Variants in NAV2 observed in about 807,000 individuals in gnomAD.
NAV2 encodes neuron navigator 2.
A neutral mutation model predicts 223.2 loss-of-function variants in NAV2; 54 were observed. The ratio of observed to expected loss-of-function variants is 0.24; its 90% CI spans 0.19 to 0.30. NAV2 has a LOEUF of 0.30. NAV2 is among the 10% of genes least tolerant of loss of function. NAV2 has a pLI of 1.00. For synonymous variants in NAV2, 1,279 were observed against 1,239.3 expected (o/e 1.03, Z -0.67); for missense variants, 2,806 against 3,147.5 (o/e 0.89, Z 2.60).
intron 3 of NAV2, among the ~76,000 whole-genome samples, chr11:19,868,007 A>G (rs1353156191): frequency 6.6e-6 from 1 of 152,168 alleles, no homozygotes; most frequent in African/African-American, 2.4e-5. Flanking sequence ...GCAATCATTT[A>G]TTAGTTCAAA....
intron 3 of NAV2, among the ~76,000 whole-genome samples, chr11:19,863,747 A>T (rs116965879): frequency 1.3e-5 from 2 of 152,126 alleles, no homozygotes; most frequent in East Asian, 3.9e-4. Flanking sequence ...TTGTCATCAT[A>T]TACTTATTTG....
chr11:19,492,122 C>T (rs187513641), intron 1 of NAV2, among the ~76,000 whole-genome samples: 1 of 152,258 alleles, frequency 6.6e-6, no homozygotes, highest in African/African-American at 2.4e-5. Flanking sequence ...GATCACTGAT[C>T]ATTGGTCACC....
chr11:19,998,629 A>C lies in NAV2; in HGVS notation c.2768+14382A>C, dbSNP rs2052196957. Among the ~76,000 whole-genome samples, 1 of 151,732 alleles carries C rather than the reference A, an allele frequency of 6.6e-6. No homozygotes were observed. Among genetic ancestry groups the C allele is most frequent in the South Asian group, 2.1e-4 (1 of 4,804 alleles). On this transcript the variant is annotated intron_variant, in intron 11 of 37. Transcript: ENST00000349880. The surrounding 1 kb of genome is among the most constrained non-coding windows in gnomAD (Gnocchi z 5.0). ...ACCTCCCTGACTCCTGCCTTCATCC[A>C]TTCCCCTGGACGTGCCGGATCTTCT...
At chr11:19,801,268 G>C (rs2058237441) in intron 1 of NAV2, among the ~76,000 whole-genome samples, 1 of 152,196 alleles carries the variant, frequency 6.6e-6, no homozygotes. Flanking sequence ...TCAGTCTGTG[G>C]TGGTGCGGCC....
intron 1 of NAV2, among the ~76,000 whole-genome samples, chr11:19,430,355 C>T (rs548859058): frequency 6.6e-6 from 1 of 152,300 alleles, no homozygotes; most frequent in South Asian, 2.1e-4. Context: ...AAAGCTGACC[C>T]GTTTGGTGTC....
intron 1 of NAV2, among the ~76,000 whole-genome samples, chr11:19,521,783 C>T (rs2043664876): frequency 6.6e-6 from 1 of 152,164 alleles, no homozygotes; most frequent in Admixed American, 6.5e-5. Flanking sequence ...AAGTAACGTG[C>T]CAACGGTCGC....
chr11:19,957,895 G>A (rs570416208), intron 10 of NAV2, among the ~76,000 whole-genome samples: 11 of 151,702 alleles, frequency 7.3e-5, no homozygotes, highest in African/African-American at 2.7e-4. Context: ...TAATTTATGG[G>A]GAAGAGAGAG....
chr11:19,533,218 A>T (rs1473455512), intron 1 of NAV2, among the ~76,000 whole-genome samples: 1 of 152,064 alleles, frequency 6.6e-6, no homozygotes, highest in Non-Finnish European at 1.5e-5. Context: ...ACCTCAGCAC[A>T]ATTGACGTTT....
chr11:19,937,094 C>A (rs540801174), intron 7 of NAV2, among the ~76,000 whole-genome samples: 1 of 152,096 alleles, frequency 6.6e-6, no homozygotes, highest in African/African-American at 2.4e-5. Context: ...GCCATGATCA[C>A]GCCACTGCAC....
At chr11:20,017,972 C>G (rs952718952) in intron 11 of NAV2, among the ~76,000 whole-genome samples, 1 of 152,124 alleles carries the variant, frequency 6.6e-6, no homozygotes, top group African/African-American at 2.4e-5. Flanking sequence ...TTCCCTTTCT[C>G]TCTTTGTTCT....
intron 1 of NAV2, among the ~76,000 whole-genome samples, chr11:19,413,259 C>T (rs1265906753): frequency 6.6e-6 from 1 of 152,012 alleles, no homozygotes; most frequent in Non-Finnish European, 1.5e-5. Context: ...AAACACAGTA[C>T]GAGAACTTCG....
intron 22 of NAV2, among the ~76,000 whole-genome samples, chr11:20,069,429 G>C (rs1411350452): frequency 6.6e-6 from 1 of 152,110 alleles, no homozygotes; most frequent in East Asian, 1.9e-4. Flanking sequence ...GCTTCCTCCT[G>C]AAGTTAGCAG....
chr11:19,911,192 C>T (rs987981937), intron 6 of NAV2, among the ~76,000 whole-genome samples: 3 of 151,990 alleles, frequency 2.0e-5, no homozygotes, highest in Non-Finnish European at 4.4e-5. Flanking sequence ...GGACAGGACA[C>T]GTAGCACAGA....
chr11:19,659,241 C>G (rs574731564), intron 1 of NAV2, among the ~76,000 whole-genome samples: 6 of 152,304 alleles, frequency 3.9e-5, no homozygotes, highest in Admixed American at 1.3e-4. Context: ...AAGGAGCCAG[C>G]AAGACCCAGG....
chr11:19,678,438 G>A (rs1231956285), intron 1 of NAV2, among the ~76,000 whole-genome samples: 1 of 152,166 alleles, frequency 6.6e-6, no homozygotes, highest in Non-Finnish European at 1.5e-5. Context: ...TGAAATGGGT[G>A]TCTCACCTGC....
intron 1 of NAV2, among the ~76,000 whole-genome samples, chr11:19,673,569 C>A (rs146839133): frequency 9.8e-4 from 149 of 152,314 alleles, no homozygotes; most frequent in African/African-American, 3.3e-3. Context: ...CAATAATTTT[C>A]TCAAATTGAG....
intron 1 of NAV2, among the ~76,000 whole-genome samples, chr11:19,550,512 G>A (rs546891277): frequency 3.0e-4 from 46 of 152,310 alleles, no homozygotes; most frequent in Admixed American, 9.1e-4. Context: ...AAGGCAGATC[G>A]ATACAGGGTG....
intron 1 of NAV2, among the ~76,000 whole-genome samples, chr11:19,375,966 T>C (rs1423870306): frequency 6.6e-6 from 1 of 152,196 alleles, no homozygotes; most frequent in Non-Finnish European, 1.5e-5. Context: ...GCAAAAGGAT[T>C]AAATATCTAT....
At chr11:20,083,797 C>T (rs1016156123) in intron 26 of NAV2, among the ~76,000 whole-genome samples, 2 of 152,214 alleles carry the variant, frequency 1.3e-5, no homozygotes, top group Admixed American at 6.5e-5. Context: ...ATCTACTTCA[C>T]TGGATTCTTG....
Sources: gnomAD v4.1 joint callset for allele counts (sites outside exome capture counted in the v4.1 genomes callset) on GRCh38, gnomAD v4.1.1 for gene constraint, Gnocchi (gnomAD v3.1) non-coding constraint, MANE v1.5 for transcripts, NCBI Gene and HGNC (gene_info 2026-07-23, HGNC 2026-07-21) for gene names.